Variants in TTC7B observed in about 807,000 individuals in gnomAD.
The protein encoded by TTC7B is tetratricopeptide repeat domain 7B.
TTC7B carries 28 observed loss-of-function variants against 106.8 expected under a neutral mutation model. The ratio of observed to expected loss-of-function variants is 0.26; its 90% CI spans 0.19 to 0.36. The LOEUF (loss-of-function observed/expected upper bound fraction) is 0.36, where lower values mean the gene tolerates loss of function less well. Among genes scored for constraint, TTC7B ranks in the 10% least tolerant of loss-of-function variants. The pLI is 1.00. For synonymous variants in TTC7B, 405 were observed against 430.6 expected (o/e 0.94, Z 0.74); for missense variants, 862 against 1,076.4 (o/e 0.80, Z 2.79).
intron 3 of TTC7B, among the ~76,000 whole-genome samples, chr14:90,754,395 T>C (rs1043622545): frequency 2.6e-5 from 4 of 152,246 alleles, no homozygotes; most frequent in African/African-American, 9.6e-5. Flanking sequence ...CAGCTGATTT[T>C]ATATGCAAAA....
chr14:90,633,351 A>C (rs539300193), intron 15 of TTC7B, among the ~76,000 whole-genome samples: 1 of 152,222 alleles, frequency 6.6e-6, no homozygotes, highest in Non-Finnish European at 1.5e-5. Context: ...TTAAAAATCT[A>C]TGGAAGAATT....
chr14:90,634,123 T>A (rs988508031), intron 15 of TTC7B, among the ~76,000 whole-genome samples: 9 of 152,130 alleles, frequency 5.9e-5, no homozygotes, highest in African/African-American at 1.9e-4. Context: ...GTGATCCACC[T>A]GCCTCGGCCT....
At chr14:90,566,870 C>T (rs1890821467) in intron 19 of TTC7B, among the ~76,000 whole-genome samples, 1 of 152,168 alleles carries the variant, frequency 6.6e-6, no homozygotes, top group African/African-American at 2.4e-5. Context: ...TGGTTTGTTC[C>T]ATTCTCTCCT....
intron 15 of TTC7B, among the ~76,000 whole-genome samples, chr14:90,621,418 C>T (rs1252574911): frequency 4.2e-5 from 6 of 142,660 alleles, no homozygotes; most frequent in African/African-American, 8.0e-5. Context: ...TGGGTACAGC[C>T]GGGATGATGG....
intron 15 of TTC7B, among the ~76,000 whole-genome samples, chr14:90,642,155 T>G (rs1338993751): frequency 2.0e-5 from 3 of 152,180 alleles, no homozygotes; most frequent in African/African-American, 7.2e-5. Flanking sequence ...AAGAGCAAGT[T>G]TGAGATCTGC....
At chr14:90,601,926 GC>G (rs935813180) in intron 17 of TTC7B, 6 of 340,496 alleles carry the variant, frequency 1.8e-5, no homozygotes, top group African/African-American at 1.3e-4. Flanking sequence ...TCCAGAGCTG[GC>G]CCTTGATGGT....
chr14:90,676,571 T>A lies in TTC7B; in HGVS notation c.1104A>T (p.Leu368Phe). The A allele has an allele frequency of 1.2e-6, 2 of 1,614,016 alleles. No individual in the cohort carries two copies. Among genetic ancestry groups the A allele is most frequent in the South Asian group, 2.2e-5 (2 of 91,074 alleles). ...SLQSASVVYD[L>F]LTIALGRRGQ... ...CTCTTCTTCCAAGAGCAATGGTGAG[T>A]AAGTCATAGACCACAGATGCACTCT... is the stretch of plus-strand genomic sequence containing the variant. Residue 368 changes from leucine to phenylalanine, a missense_variant, in exon 9 of 20, where the codon TTA becomes TTT. Transcript: ENST00000328459.
At chr14:90,768,277 T>TC (rs1426653362) in intron 3 of TTC7B, among the ~76,000 whole-genome samples, 1 of 152,122 alleles carries the variant, frequency 6.6e-6, no homozygotes, top group Non-Finnish European at 1.5e-5. Flanking sequence ...GACTCACAGT[T>TC]CCACATAGCT....
In TTC7B at chr14:90,786,386, C is replaced by A; in HGVS notation, c.122-58G>T. The stretch of plus-strand genomic sequence containing the variant: ...AAGGAATGGCCTGCATGTAGGACCC[C>A]CTCACTCAAGGGACCCCAGAACCAC... On this transcript the variant is annotated intron_variant, in intron 1 of 19. Coordinates refer to ENST00000328459, the MANE Select transcript of TTC7B (RefSeq NM_001010854.2). 1.9e-6 allele frequency: 3 copies of A among 1,597,508 alleles called. No individual in the cohort carries two copies. In the East Asian group the frequency reaches 6.7e-5, roughly 36 times the overall value.
chr14:90,761,472 A>G (rs2140017293), intron 3 of TTC7B, among the ~76,000 whole-genome samples: 1 of 152,296 alleles, frequency 6.6e-6, no homozygotes, highest in South Asian at 2.1e-4. Flanking sequence ...ATCCCCAACA[A>G]ATCAGCAGCA....
chr14:90,749,657 G>A (rs958411198), intron 3 of TTC7B, among the ~76,000 whole-genome samples: 6 of 151,944 alleles, frequency 3.9e-5, no homozygotes, highest in East Asian at 1.9e-4. Flanking sequence ...CACCTGCCTC[G>A]GCCTCCCAAA....
At chr14:90,547,174 G>A (rs541895677) in intron 19 of TTC7B, among the ~76,000 whole-genome samples, 1 of 152,232 alleles carries the variant, frequency 6.6e-6, no homozygotes, top group Non-Finnish European at 1.5e-5. Context: ...GATGAAGGCT[G>A]CCTCCCAAGC....
intron 4 of TTC7B, among the ~76,000 whole-genome samples, chr14:90,740,089 A>G (rs912005568): frequency 1.3e-5 from 2 of 152,238 alleles, no homozygotes; most frequent in African/African-American, 4.8e-5. Flanking sequence ...ACTATCAGAG[A>G]CTATTCGTAG....
chr14:90,794,196 C>T (rs1371632614), intron 1 of TTC7B, among the ~76,000 whole-genome samples: 1 of 147,632 alleles, frequency 6.8e-6, no homozygotes, highest in African/African-American at 2.5e-5. Context: ...AGCCACTGCA[C>T]CTGGCTGGGT....
intron 19 of TTC7B, among the ~76,000 whole-genome samples, chr14:90,547,123 T>C (rs1430348295): frequency 1.3e-5 from 2 of 152,164 alleles, no homozygotes; most frequent in Non-Finnish European, 2.9e-5. Flanking sequence ...AGCTGGGAAA[T>C]CACTGAGGAA....
intron 15 of TTC7B, among the ~76,000 whole-genome samples, chr14:90,640,782 T>C (rs1208347282): frequency 6.6e-6 from 1 of 152,166 alleles, no homozygotes; most frequent in Non-Finnish European, 1.5e-5. Flanking sequence ...ACCACAACTG[T>C]CTGAGATGGA....
chr14:90,634,523 G>C (rs1421751479), intron 15 of TTC7B, among the ~76,000 whole-genome samples: 1 of 152,132 alleles, frequency 6.6e-6, no homozygotes, highest in Non-Finnish European at 1.5e-5. Flanking sequence ...TGTAATCCCA[G>C]TATTGTGGGA....
intron 19 of TTC7B, among the ~76,000 whole-genome samples, chr14:90,571,838 G>C (rs112038902): frequency 1.3e-5 from 2 of 152,182 alleles, no homozygotes; most frequent in Admixed American, 1.3e-4. Context: ...GTGCCAATGC[G>C]TGAGCCTGTC....
At chr14:90,675,489 C>T (rs763933438) in intron 9 of TTC7B, among the ~76,000 whole-genome samples, 6 of 152,116 alleles carry the variant, frequency 3.9e-5, no homozygotes, top group Non-Finnish European at 8.8e-5. Flanking sequence ...GGGGCTGAGC[C>T]GCATGTGGTG....
Sources: gnomAD v4.1 joint callset for allele counts (sites outside exome capture counted in the v4.1 genomes callset) on GRCh38, gnomAD v4.1.1 for gene constraint, MANE v1.5 for transcripts, NCBI Gene and HGNC (gene_info 2026-07-23, HGNC 2026-07-21) for gene names.